Variants in PRKG1 observed in about 807,000 individuals in gnomAD.
The protein encoded by PRKG1 is cGMP-dependent protein kinase 1.
Under a neutral mutation model 88.1 loss-of-function variants are expected in PRKG1, and 35 were observed. The ratio of observed to expected loss-of-function variants is 0.40; its 90% CI spans 0.30 to 0.53. The LOEUF is 0.53. PRKG1 is among the 20% of genes least tolerant of loss of function. The pLI, the probability that PRKG1 is intolerant of heterozygous loss-of-function variation, is 0.59. For missense variants in PRKG1, 540 were observed against 839.8 expected (o/e 0.64, Z 4.41); for synonymous variants, 303 against 292.5 (o/e 1.04, Z -0.37).
intron 4 of PRKG1, among the ~76,000 whole-genome samples, chr10:51,873,917 A>T (rs889137192): frequency 3.3e-5 from 5 of 151,938 alleles, no homozygotes; most frequent in Admixed American, 2.6e-4. Flanking sequence ...ATTTATTTGC[A>T]TTTTTTTTAA....
chr10:51,632,852 G>T (rs762981428), intron 3 of PRKG1, among the ~76,000 whole-genome samples: 9 of 152,164 alleles, frequency 5.9e-5, no homozygotes, highest in Non-Finnish European at 1.2e-4. Flanking sequence ...TAAAGACAGA[G>T]GAGTAAATGT....
chr10:51,717,041 G>A (rs1445457496), intron 3 of PRKG1, among the ~76,000 whole-genome samples: 1 of 152,192 alleles, frequency 6.6e-6, no homozygotes, highest in East Asian at 1.9e-4. Flanking sequence ...TGTCAGGATT[G>A]AGGGTGGGAG....
At chr10:51,212,624 AAAAC>A (rs750048937) in intron 2 of PRKG1, among the ~76,000 whole-genome samples, 7 of 152,218 alleles carry the variant, frequency 4.6e-5, no homozygotes, top group African/African-American at 9.6e-5. Context: ...TTACAAGACA[AAAAC>A]AAACAACCCC....
At chr10:51,126,347 C>G (rs867470388) in intron 1 of PRKG1, among the ~76,000 whole-genome samples, 70 of 110,678 alleles carry the variant, frequency 6.3e-4, no homozygotes, top group African/African-American at 2.2e-3. Flanking sequence ...TTATTTTATA[C>G]TTTATATTTT....
At chr10:52,092,615 T>C (rs1007029224) in intron 7 of PRKG1, among the ~76,000 whole-genome samples, 2 of 152,188 alleles carry the variant, frequency 1.3e-5, no homozygotes, top group African/African-American at 4.8e-5. Flanking sequence ...TTGATCCAAC[T>C]TGTGTCCTCT....
chr10:51,554,783 A>G (rs994054978), intron 3 of PRKG1, among the ~76,000 whole-genome samples: 5 of 151,844 alleles, frequency 3.3e-5, no homozygotes, highest in African/African-American at 1.2e-4. Context: ...ATGAGCAAAC[A>G]TTTGTTAAAT....
chr10:51,833,471 C>T (rs1418843449), intron 4 of PRKG1, among the ~76,000 whole-genome samples: 5 of 152,132 alleles, frequency 3.3e-5, no homozygotes, highest in Non-Finnish European at 7.3e-5. Context: ...AATGATGCAA[C>T]TGAGGCTCAG....
intron 3 of PRKG1, among the ~76,000 whole-genome samples, chr10:51,684,093 A>G (rs184196776): frequency 4.6e-5 from 7 of 152,350 alleles, no homozygotes; most frequent in Admixed American, 1.3e-4. Context: ...ACTATTCATA[A>G]TAGCCTGAAT....
rs569302728 is a variant in PRKG1 at position 51,134,279 on chromosome 10, G to A, written c.312-18885G>A. ...GAATTCCTAAAATCTGTTTGCAGAT[G>A]TGGGGAGTTTCGTCATTACTTCAGG... On this transcript the variant is annotated intron_variant, in intron 1 of 17. Transcript: ENST00000373980. 2.6e-5 allele frequency among the ~76,000 whole-genome samples: 4 copies of A among 152,268 alleles called. No individual in the cohort carries two copies. The South Asian group carries it at 8.3e-4, about 32-fold the overall frequency.
intron 2 of PRKG1, among the ~76,000 whole-genome samples, chr10:51,336,569 T>C (rs1281968235): frequency 6.6e-6 from 1 of 152,110 alleles, no homozygotes; most frequent in Middle Eastern, 3.2e-3. Context: ...TCAAAATCCT[T>C]CTTAAAACAG....
At chr10:51,739,514 C>T (rs1837377628) in intron 3 of PRKG1, among the ~76,000 whole-genome samples, 1 of 152,052 alleles carries the variant, frequency 6.6e-6, no homozygotes, top group African/African-American at 2.4e-5. Flanking sequence ...TCCTAACAGC[C>T]TCCCAGAAAA....
intron 5 of PRKG1, among the ~76,000 whole-genome samples, chr10:51,979,410 GTTTT>G (rs61150252): frequency 8.5e-5 from 4 of 47,056 alleles, no homozygotes; most frequent in African/African-American, 3.4e-4. Context: ...ATATTGGTCT[GTTTT>G]TTTTTTTTTT....
In PRKG1 at chr10:51,810,275, ATGT is replaced by A. The variant is rs1839421206; in HGVS notation, c.698+5590_698+5592del. Among the ~76,000 whole-genome samples the A allele has an allele frequency of 2.6e-5, 4 of 152,252 alleles. No individual in the cohort carries two copies. In the Middle Eastern group the frequency reaches 0.01, roughly 388 times the overall value. ...TTTCCAACTGTTAAAGAACTTGAAG[ATGT>A]TGTTCAATTTTAAAAGTACTGATCA... On this transcript the variant is annotated intron_variant, in intron 4 of 17. Coordinates refer to ENST00000373980, the MANE Select transcript of PRKG1 (RefSeq NM_006258.4).
chr10:52,128,222 G>A, intron 7 of PRKG1: 1 of 985,462 alleles, frequency 1.0e-6, no homozygotes. Flanking sequence ...GAGTTTCCAT[G>A]AAGGCTGGCA....
chr10:51,962,558 G>T (rs1379114696), intron 5 of PRKG1, among the ~76,000 whole-genome samples: 1 of 152,078 alleles, frequency 6.6e-6, no homozygotes, highest in African/African-American at 2.4e-5. Context: ...TTGATTTGCA[G>T]CTGTGGTCAT....
At chr10:51,648,978 C>T (rs892817011) in intron 3 of PRKG1, among the ~76,000 whole-genome samples, 9 of 151,932 alleles carry the variant, frequency 5.9e-5, no homozygotes, top group Non-Finnish European at 7.4e-5. Context: ...ATGAGGCGGG[C>T]GGAACACGTA....
At chr10:51,503,848 T>A (rs1173680105) in intron 3 of PRKG1, among the ~76,000 whole-genome samples, 4 of 152,156 alleles carry the variant, frequency 2.6e-5, no homozygotes, top group Non-Finnish European at 1.5e-5. Context: ...GTGTTGATGG[T>A]AAAATAGTAG....
intron 2 of PRKG1, among the ~76,000 whole-genome samples, chr10:51,282,633 A>G (rs1428919824): frequency 6.6e-6 from 1 of 152,134 alleles, no homozygotes; most frequent in African/African-American, 2.4e-5. Context: ...TAAACAGCAA[A>G]ATTTACTTGA....
At chr10:51,359,171 C>T (rs1842427432) in intron 2 of PRKG1, among the ~76,000 whole-genome samples, 1 of 151,846 alleles carries the variant, frequency 6.6e-6, no homozygotes, top group Non-Finnish European at 1.5e-5. Flanking sequence ...TACCATTATT[C>T]TAAGCCTATT....
Sources: gnomAD v4.1 joint callset for allele counts (sites outside exome capture counted in the v4.1 genomes callset) on GRCh38, gnomAD v4.1.1 for gene constraint, MANE v1.5 for transcripts, NCBI Gene and HGNC (gene_info 2026-07-23, HGNC 2026-07-21) for gene names.